Variants in AACS observed in about 807,000 individuals in gnomAD.
The protein encoded by AACS is acetoacetyl-CoA synthetase, also known as acetoacetate-CoA ligase.
A neutral mutation model predicts 83.1 loss-of-function variants in AACS; 69 were observed. The observed-to-expected ratio is 0.83, with a 90% CI of 0.68 to 1.01. The LOEUF (loss-of-function observed/expected upper bound fraction) is 1.01, where lower values mean the gene tolerates loss of function less well. Among genes scored for constraint, AACS ranks in the 50% least tolerant of loss-of-function variants. The probability of loss-of-function intolerance (pLI) is 0.00; values close to 1 mark genes in which losing one functional copy is unlikely to be tolerated. For synonymous variants in AACS, 333 were observed against 343.4 expected (o/e 0.97, Z 0.33); for missense variants, 866 against 882.2 (o/e 0.98, Z 0.23).
At chr12:125,074,590 T>G (rs890978183) in intron 2 of AACS, among the ~76,000 whole-genome samples, 3 of 151,876 alleles carry the variant, frequency 2.0e-5, no homozygotes, top group Non-Finnish European at 4.4e-5. Context: ...TATCATAAAC[T>G]ATTATGTAAC....
chr12:125,085,001 C>T (rs553926877), intron 3 of AACS, among the ~76,000 whole-genome samples: 1 of 152,238 alleles, frequency 6.6e-6, no homozygotes, highest in Non-Finnish European at 1.5e-5. Flanking sequence ...ACATGAACTA[C>T]TTCTCTCAGC....
At chr12:125,067,178 A>G (rs1955724654) in intron 1 of AACS, among the ~76,000 whole-genome samples, 1 of 151,918 alleles carries the variant, frequency 6.6e-6, no homozygotes, top group Admixed American at 6.6e-5. Context: ...CCACAGAGTC[A>G]TTTTCCTAGG....
At chr12:125,084,853 A>G (rs941600962) in intron 3 of AACS, among the ~76,000 whole-genome samples, 22 of 152,126 alleles carry the variant, frequency 1.4e-4, no homozygotes, top group African/African-American at 5.3e-4. Context: ...AAGCGCTGGC[A>G]TTACAGGCAT....
At chr12:125,102,204 C>T (rs987146781) in intron 5 of AACS, 2 of 159,012 alleles carry the variant, frequency 1.3e-5, no homozygotes, top group African/African-American at 2.4e-5. Flanking sequence ...GCATGTGCCA[C>T]CATGCCTGGC....
At chr12:125,066,536 G>C (rs1018504875) in intron 1 of AACS, among the ~76,000 whole-genome samples, 1 of 145,044 alleles carries the variant, frequency 6.9e-6, no homozygotes, top group Non-Finnish European at 1.5e-5. Flanking sequence ...TGCAACCTCC[G>C]CCTCCCGGGT....
intron 1 of AACS, among the ~76,000 whole-genome samples, chr12:125,071,594 C>T (rs1394268228): frequency 6.6e-6 from 1 of 152,208 alleles, no homozygotes; most frequent in East Asian, 1.9e-4. Flanking sequence ...TGAATCAGAC[C>T]TGGGCTTGCG....
intron 1 of AACS, among the ~76,000 whole-genome samples, chr12:125,067,812 G>T (rs922636081): frequency 1.3e-5 from 2 of 152,210 alleles, no homozygotes; most frequent in African/African-American, 2.4e-5. Flanking sequence ...GGGATTACAG[G>T]TGTGAGCCAC....
chr12:125,086,502 T>C lies in AACS; in HGVS notation c.472+59T>C. 3 of 1,502,116 alleles carry C rather than the reference T, an allele frequency of 2.0e-6. No individual in the cohort carries two copies. The South Asian group carries it at 3.4e-5, about 17-fold the overall frequency. 93.0% of individuals were successfully genotyped at this position (1,502,116 alleles called of 1,614,324 possible). On this transcript the variant is annotated intron_variant, in intron 4 of 17. Coordinates refer to ENST00000316519, the MANE Select transcript of AACS (RefSeq NM_023928.5). The stretch of plus-strand genomic sequence containing the variant: ...GAGGAGACCAAGGTAGAATGGGTGA[T>C]GTGAAGGTCAAGACGGCTTTCAAAT...
At chr12:125,110,988 C>G (rs1201173985) in intron 8 of AACS, among the ~76,000 whole-genome samples, 1 of 152,008 alleles carries the variant, frequency 6.6e-6, no homozygotes, top group East Asian at 1.9e-4. Flanking sequence ...GATTGAAGGT[C>G]CAAGAGCCTG....
chr12:125,078,507 G>T lies in AACS; in HGVS notation c.358+1896G>T, dbSNP rs910077392. On this transcript the variant is annotated intron_variant, in intron 3 of 17. Transcript: ENST00000316519. Reference sequence around the variant, plus strand: ...GCCCACCTGTCTGTTACATCCATTTGTTCCTCAGATCTGTATTAAATGCCT... The same window carrying T: ...GCCCACCTGTCTGTTACATCCATTTTTTCCTCAGATCTGTATTAAATGCCT... 4.9e-5 allele frequency: 18 copies of T among 368,478 alleles called. No homozygotes were observed. In the Admixed American group the frequency reaches 5.8e-4, roughly 12 times the overall value. The allele number at this position is 368,478 out of a possible 1,614,324, so 22.8% of individuals were successfully genotyped here. A position where few individuals can be genotyped will look rare whatever the true frequency, so the allele number is the denominator to read the frequency against.
At chr12:125,077,210 C>T (rs1036961549) in intron 3 of AACS, among the ~76,000 whole-genome samples, 2 of 151,688 alleles carry the variant, frequency 1.3e-5, no homozygotes, top group African/African-American at 2.4e-5. Flanking sequence ...GCCACTGCAC[C>T]CGGCCCCTGT....
chr12:125,106,679 C>G (rs775616364), intron 7 of AACS, among the ~76,000 whole-genome samples: 4 of 152,184 alleles, frequency 2.6e-5, no homozygotes, highest in Admixed American at 2.0e-4. Context: ...TTTGGGCAAT[C>G]ATTGGAAACA....
chr12:125,108,749 C>A (rs1200880181), intron 8 of AACS, among the ~76,000 whole-genome samples: 1 of 151,830 alleles, frequency 6.6e-6, no homozygotes, highest in Admixed American at 6.6e-5. Flanking sequence ...CTCACTGCAA[C>A]CTCTGCCTCC....
chr12:125,120,507 A>G (rs1957135856), intron 10 of AACS: 1 of 152,180 alleles, frequency 6.6e-6, no homozygotes, highest in African/African-American at 2.4e-5. Flanking sequence ...CTATTTCCTA[A>G]TGAGATTGTT....
In AACS at chr12:125,086,246, G is replaced by T. The variant is rs1262218024; in HGVS notation, c.359-84G>T. On this transcript the variant is annotated intron_variant, in intron 3 of 17. Coordinates refer to ENST00000316519, the MANE Select transcript of AACS (RefSeq NM_023928.5). ...TAGATTAATAACCTGCATTGAAACA[G>T]GTGGGATTTTTCATTCAGTGTCTGG... 6.9e-5 allele frequency: 81 copies of T among 1,167,906 alleles called. No individual in the cohort carries two copies. In the East Asian group the frequency reaches 1.9e-3, roughly 27 times the overall value. 72.3% of individuals were successfully genotyped at this position (1,167,906 alleles called of 1,614,324 possible). A position where few individuals can be genotyped will look rare whatever the true frequency, so the allele number is the denominator to read the frequency against.
chr12:125,089,638 C>T (rs887290601), intron 4 of AACS, among the ~76,000 whole-genome samples: 2 of 152,070 alleles, frequency 1.3e-5, no homozygotes, highest in African/African-American at 4.8e-5. Flanking sequence ...TTCATTCCCT[C>T]TCCTCTCTAT....
intron 8 of AACS, among the ~76,000 whole-genome samples, chr12:125,108,083 T>A (rs574243533): frequency 3.3e-5 from 5 of 152,302 alleles, no homozygotes; most frequent in African/African-American, 1.2e-4. Context: ...GTTGTAAAAC[T>A]TATGTCTGAC....
intron 7 of AACS, among the ~76,000 whole-genome samples, chr12:125,104,022 A>AAAAAAAAAAT (rs1956780053): frequency 6.9e-6 from 1 of 145,280 alleles, no homozygotes; most frequent in Non-Finnish European, 1.5e-5. Flanking sequence ...AAAAAAAAGA[A>AAAAAAAAAAT]TCTTCATTTT....
chr12:125,080,837 G>A lies in AACS; in HGVS notation c.358+4226G>A, dbSNP rs375662245. On this transcript the variant is annotated intron_variant, in intron 3 of 17. Transcript: ENST00000316519. ...CTCCCGAGTAGCTGGGACTACAGGC[G>A]CCCGCCACCACGCCTGGCTAATTTT... is the stretch of plus-strand genomic sequence containing the variant. Among the ~76,000 whole-genome samples, 25 of 151,482 alleles carry A rather than the reference G, an allele frequency of 1.7e-4. No homozygotes were observed. The South Asian group carries it at 1.7e-3, about 10-fold the overall frequency.
Sources: allele counts gnomAD v4.1 joint callset (sites outside exome capture counted in the v4.1 genomes callset), GRCh38; gene constraint gnomAD v4.1.1; transcripts MANE v1.5; gene names NCBI Gene and HGNC (gene_info 2026-07-23, HGNC 2026-07-21).